Variants in UGT1A3 observed in about 807,000 individuals in gnomAD.
The protein encoded by UGT1A3 is UDP-glucuronosyltransferase 1A3.
In UGT1A3, 31 loss-of-function variants were observed where a neutral mutation model predicts 41.0. The ratio of observed to expected loss-of-function variants is 0.76; its 90% CI spans 0.57 to 1.02. UGT1A3 has a LOEUF of 1.02. Among genes scored for constraint, UGT1A3 ranks in the 50% least tolerant of loss-of-function variants. UGT1A3 has a pLI of 0.00. For synonymous variants in UGT1A3, 262 were observed against 257.6 expected, an observed-to-expected ratio of 1.02 and a Z score of -0.17; for missense variants, 737 against 671.0, an observed-to-expected ratio of 1.10 and a Z score of -1.09.
At chr2:233,743,532 G>T in intron 1 of UGT1A3, 1 of 1,367,232 alleles carries the variant, frequency 7.3e-7, no homozygotes, top group South Asian at 1.1e-5. Context: ...TTCCCCAGCA[G>T]TTCCTCTGAC....
chr2:233,755,338 G>A (rs569505432), intron 1 of UGT1A3: 1 of 431,822 alleles, frequency 2.3e-6, no homozygotes, highest in Non-Finnish European at 4.0e-6. Flanking sequence ...CCCGCGCACA[G>A]GTCAGAGGCT....
At chr2:233,745,164 A>G (rs2125868449) in intron 1 of UGT1A3, among the ~76,000 whole-genome samples, 1 of 151,968 alleles carries the variant, frequency 6.6e-6, no homozygotes, top group South Asian at 2.1e-4. Context: ...TCAAATGTGC[A>G]TGTTATTCAC....
intron 1 of UGT1A3, among the ~76,000 whole-genome samples, chr2:233,764,385 C>T (rs1299567681): frequency 6.6e-6 from 1 of 152,140 alleles, no homozygotes; most frequent in South Asian, 2.1e-4. Flanking sequence ...AGGAGTTGGC[C>T]GTGATGACAA....
Position 233,769,516 on chromosome 2 carries a change from G to C in UGT1A3, c.1307+1077G>C. 1 of 1,612,814 alleles carries C rather than the reference G, an allele frequency of 6.2e-7. No individual in the cohort carries two copies. Reference sequence around the variant, plus strand: ...GAGAGTGTCCATTGCTTTCTCCCATGGTTACCTCCTTTAGAAAGAAGCAGC... The same window carrying C: ...GAGAGTGTCCATTGCTTTCTCCCATCGTTACCTCCTTTAGAAAGAAGCAGC... On this transcript the variant is annotated intron_variant, in intron 4 of 4. Coordinates refer to ENST00000482026, the MANE Select transcript of UGT1A3 (RefSeq NM_019093.4). The surrounding 1 kb of genome is among the most constrained non-coding windows in gnomAD (Gnocchi z 4.4).
chr2:233,769,689 T>C lies in UGT1A3; in HGVS notation c.1307+1250T>C. On this transcript the variant is annotated intron_variant, in intron 4 of 4. Transcript: ENST00000482026. This position sits in a 1 kb window ranked among gnomAD's most constrained non-coding sequence, Gnocchi z 4.4. ...GGTGCTAATGTGTGTGTGGTGGCAC[T>C]GGATAAAAGATCAATGTTGGCTAGG... 6.5e-7 allele frequency: 1 copy of C among 1,550,140 alleles called. No homozygotes were observed. Among genetic ancestry groups the C allele is most frequent in the Non-Finnish European group, 8.7e-7 (1 of 1,147,494 alleles).
chr2:233,749,121 A>T (rs1694116059), intron 1 of UGT1A3, among the ~76,000 whole-genome samples: 1 of 151,732 alleles, frequency 6.6e-6, no homozygotes, highest in Non-Finnish European at 1.5e-5. Context: ...TTTATGTCAT[A>T]TTCACTGAAT....
intron 1 of UGT1A3, chr2:233,743,112 A>G (rs1313139997): frequency 1.1e-5 from 4 of 354,674 alleles, no homozygotes; most frequent in Non-Finnish European, 1.7e-5. Flanking sequence ...GCTGTTCTGA[A>G]AGTAAAGTTC....
chr2:233,760,805 A>C (rs1464812223), intron 1 of UGT1A3: 1 of 1,613,342 alleles, frequency 6.2e-7, no homozygotes, highest in Admixed American at 1.7e-5. Context: ...TTCTTCTTGC[A>C]TGCACTGCCA....
In UGT1A3 at chr2:233,772,898, G is replaced by C. The variant is rs1042640; in HGVS notation, c.*339G>C. 367,954 of 456,154 alleles carry C rather than the reference G, an allele frequency of 0.81. 148,868 individuals are homozygous for C. Among genetic ancestry groups the C allele is most frequent in the East Asian group, 0.89 (15,034 of 16,914 alleles). The allele number at this position is 456,154 out of a possible 1,614,324, so 28.3% of individuals were successfully genotyped here. On this transcript the variant is annotated 3_prime_UTR_variant, in exon 5 of 5. Coordinates refer to ENST00000482026, the MANE Select transcript of UGT1A3 (RefSeq NM_019093.4). ...GTGCGGGATTCAAAGGTGGTCCCACGGCTGCCCCTACTGCAAATGGCAGTT... is the reference window on the plus strand; with the variant it reads ...GTGCGGGATTCAAAGGTGGTCCCACCGCTGCCCCTACTGCAAATGGCAGTT...
intron 1 of UGT1A3, chr2:233,760,772 A>C: frequency 6.2e-7 from 1 of 1,613,930 alleles, no homozygotes; most frequent in Non-Finnish European, 8.5e-7. Flanking sequence ...ATCGTGGCCC[A>C]GTACCTGTCT....
At chr2:233,743,230 T>A (rs751434159) in intron 1 of UGT1A3, 5 of 416,618 alleles carry the variant, frequency 1.2e-5, no homozygotes, top group Non-Finnish European at 2.4e-5. Flanking sequence ...TGCTATTTAT[T>A]ATGAAGGACT....
At chr2:233,732,349 T>A (rs1331822531) in intron 1 of UGT1A3, among the ~76,000 whole-genome samples, 1 of 152,014 alleles carries the variant, frequency 6.6e-6, no homozygotes, top group Non-Finnish European at 1.5e-5. Flanking sequence ...GGTGTTTTAG[T>A]CATGAAGTCC....
chr2:233,743,469 A>T, intron 1 of UGT1A3: 3 of 1,366,764 alleles, frequency 2.2e-6, no homozygotes, highest in Non-Finnish European at 2.9e-6. Flanking sequence ...CACCCCCAAA[A>T]GCTGGAAATT....
In UGT1A3 at chr2:233,750,001, G is replaced by A. The variant is rs1213744454; in HGVS notation, c.868-17033G>A. On this transcript the variant is annotated intron_variant, in intron 1 of 4. Coordinates refer to ENST00000482026, the MANE Select transcript of UGT1A3 (RefSeq NM_019093.4). ...TGAGAATGGACTAATATATTAAATTGGTGCCATGGAGAGTGGAGTACTGCT... is the reference window on the plus strand; with the variant it reads ...TGAGAATGGACTAATATATTAAATTAGTGCCATGGAGAGTGGAGTACTGCT... Among the ~76,000 whole-genome samples the A allele has an allele frequency of 7.9e-5, 12 of 151,794 alleles. 1 individual carries two copies. Among genetic ancestry groups the A allele is most frequent in the African/African-American group, 2.7e-4 (11 of 41,062 alleles).
At chr2:233,737,020 G>A (rs2078835336) in intron 1 of UGT1A3, among the ~76,000 whole-genome samples, 1 of 152,228 alleles carries the variant, frequency 6.6e-6, no homozygotes, top group African/African-American at 2.4e-5. Context: ...GAGGCAGTCT[G>A]TCCATTCTCA....
chr2:233,767,214 T>A (rs1420134896), intron 2 of UGT1A3, 49 bp downstream of exon 2: 25 of 1,612,300 alleles, frequency 1.6e-5, no homozygotes, highest in Non-Finnish European at 2.1e-5. Flanking sequence ...ACAGGAGCGC[T>A]AATCCCAGAC....
intron 1 of UGT1A3, chr2:233,747,116 T>G: frequency 6.9e-7 from 1 of 1,446,720 alleles, no homozygotes; most frequent in South Asian, 1.3e-5. Context: ...CATGATGATT[T>G]GCTAAGTGGC....
chr2:233,760,544 A>C (rs1287938183), intron 1 of UGT1A3: 1 of 1,614,126 alleles, frequency 6.2e-7, no homozygotes, highest in Non-Finnish European at 8.5e-7. Flanking sequence ...TTCCAAAGGG[A>C]GGATGTGAAA....
intron 1 of UGT1A3, chr2:233,760,235 T>C (rs1697361958): frequency 1.4e-5 from 17 of 1,221,898 alleles, no homozygotes; most frequent in Non-Finnish European, 1.8e-5. Context: ...GTTTTTGCCA[T>C]ATATATATAT....
Sources: gnomAD v4.1 joint callset for allele counts (sites outside exome capture counted in the v4.1 genomes callset) on GRCh38, gnomAD v4.1.1 for gene constraint, Gnocchi (gnomAD v3.1) non-coding constraint, MANE v1.5 for transcripts, NCBI Gene and HGNC (gene_info 2026-07-23, HGNC 2026-07-21) for gene names.